HPSE2: variants seen among roughly 807,000 people sequenced by gnomAD.
HPSE2 encodes heparanase 2 (inactive), also known as inactive heparanase-2.
In HPSE2, 38 loss-of-function variants were observed where a neutral mutation model predicts 60.5. The ratio of observed to expected loss-of-function variants is 0.63; its 90% CI spans 0.48 to 0.82. The LOEUF (loss-of-function observed/expected upper bound fraction) is 0.82, where lower values mean the gene tolerates loss of function less well. Ranked by LOEUF, HPSE2 falls within the 40% of genes least tolerant of loss-of-function variation. The pLI is 0.00. For missense variants in HPSE2, 713 were observed against 740.4 expected, an observed-to-expected ratio of 0.96 and a Z score of 0.43; for synonymous variants, 295 against 293.2, an observed-to-expected ratio of 1.01 and a Z score of -0.06.
intron 3 of HPSE2, among the ~76,000 whole-genome samples, chr10:98,794,156 T>C (rs1002381702): frequency 3.9e-5 from 6 of 152,146 alleles, no homozygotes; most frequent in Admixed American, 3.9e-4. Context: ...TTATCTAATT[T>C]ATAAACCTTT....
intron 9 of HPSE2, among the ~76,000 whole-genome samples, chr10:98,581,862 A>G (rs950016467): frequency 1.3e-5 from 2 of 152,334 alleles, no homozygotes; most frequent in African/African-American, 2.4e-5. Context: ...ATATGTGTGT[A>G]AGCTTCAAAT....
intron 3 of HPSE2, among the ~76,000 whole-genome samples, chr10:98,878,952 G>A (rs889896633): frequency 1.3e-5 from 2 of 152,022 alleles, no homozygotes; most frequent in African/African-American, 2.4e-5. Context: ...GAAAGGGAAA[G>A]AGGGAAGTCA....
intron 9 of HPSE2, among the ~76,000 whole-genome samples, chr10:98,589,860 C>T (rs139599418): frequency 6.6e-6 from 1 of 152,180 alleles, no homozygotes; most frequent in Admixed American, 6.5e-5. Context: ...TCCCTTGAAT[C>T]CTCATCTTTG....
rs539414768 is a variant in HPSE2 at position 98,492,427 on chromosome 10, A to G, written c.1321-2231T>C. Among the ~76,000 whole-genome samples the G allele has an allele frequency of 2.1e-4, 31 of 150,062 alleles. No homozygotes were observed. In the South Asian group the frequency reaches 6.4e-3, roughly 31 times the overall value. ...TGAGGCAGGAGAATGGCGTGAACCCAGGAGGCGGAGCTTGCAGTGAGCCGA... is the reference window on the plus strand; with the variant it reads ...TGAGGCAGGAGAATGGCGTGAACCCGGGAGGCGGAGCTTGCAGTGAGCCGA... On this transcript the variant is annotated intron_variant, in intron 9 of 11. Transcript: ENST00000370552.
chr10:98,801,350 C>A (rs906621565), intron 3 of HPSE2, among the ~76,000 whole-genome samples: 1 of 151,840 alleles, frequency 6.6e-6, no homozygotes, highest in African/African-American at 2.4e-5. Flanking sequence ...TACTGGAAGT[C>A]CTAGCTAGAG....
intron 3 of HPSE2, among the ~76,000 whole-genome samples, chr10:98,988,304 T>C (rs1364337882): frequency 6.6e-6 from 1 of 152,302 alleles, no homozygotes; most frequent in Non-Finnish European, 1.5e-5. Context: ...GAGATATAGA[T>C]CAATGGAACA....
At chr10:99,048,006 C>T (rs756468884) in intron 3 of HPSE2, 56 of 694,004 alleles carry the variant, frequency 8.1e-5, no homozygotes, top group South Asian at 2.6e-4. Flanking sequence ...GAAACCTTTG[C>T]GAAGCTCAAC....
intron 2 of HPSE2, among the ~76,000 whole-genome samples, chr10:99,156,019 G>C (rs1218860515): frequency 4.0e-5 from 6 of 150,724 alleles, no homozygotes; most frequent in South Asian, 2.1e-4. Flanking sequence ...ATAAATTCCT[G>C]GACACATACA....
intron 3 of HPSE2, among the ~76,000 whole-genome samples, chr10:98,952,055 G>T (rs1480158370): frequency 2.0e-5 from 3 of 152,124 alleles, no homozygotes; most frequent in Non-Finnish European, 4.4e-5. Context: ...CCAAATGATG[G>T]CAGATTTGAA....
chr10:98,815,331 A>G (rs902579010), intron 3 of HPSE2, among the ~76,000 whole-genome samples: 1 of 152,208 alleles, frequency 6.6e-6, no homozygotes, highest in South Asian at 2.1e-4. Flanking sequence ...CAGGCAGTAT[A>G]TAACAGGTAG....
At chr10:98,910,047 T>C in intron 3 of HPSE2, among the ~76,000 whole-genome samples, 1 of 152,112 alleles carries the variant, frequency 6.6e-6, no homozygotes, top group East Asian at 1.9e-4. Context: ...AATGCTATTA[T>C]AAGAAGAAAA....
At chr10:98,491,411 A>G (rs557759943) in intron 9 of HPSE2, among the ~76,000 whole-genome samples, 1 of 152,292 alleles carries the variant, frequency 6.6e-6, no homozygotes, top group East Asian at 1.9e-4. Context: ...ATGGTCTCCT[A>G]ATATTAAAAA....
chr10:99,109,610 C>G (rs1215243835), intron 3 of HPSE2, among the ~76,000 whole-genome samples: 2 of 152,080 alleles, frequency 1.3e-5, no homozygotes, highest in African/African-American at 4.8e-5. Context: ...GAGAAGTGTT[C>G]TCAAGAATAA....
At chr10:98,906,671 TGAG>T (rs993726926) in intron 3 of HPSE2, among the ~76,000 whole-genome samples, 3 of 152,104 alleles carry the variant, frequency 2.0e-5, no homozygotes, top group African/African-American at 7.2e-5. Flanking sequence ...TTTGGGAGGC[TGAG>T]GAGGGCAGAT....
chr10:98,613,171 T>C (rs1004840188), intron 9 of HPSE2, among the ~76,000 whole-genome samples: 7 of 152,260 alleles, frequency 4.6e-5, no homozygotes, highest in African/African-American at 1.7e-4. Context: ...GATTCACTTA[T>C]CTATTACTAG....
chr10:98,532,716 G>T (rs547297160), intron 9 of HPSE2, among the ~76,000 whole-genome samples: 1 of 152,188 alleles, frequency 6.6e-6, no homozygotes, highest in Non-Finnish European at 1.5e-5. Context: ...AGTAGGAGAA[G>T]ATGGTTTCAA....
chr10:98,996,915 A>T (rs1035050627), intron 3 of HPSE2, among the ~76,000 whole-genome samples: 3 of 152,186 alleles, frequency 2.0e-5, no homozygotes, highest in African/African-American at 7.2e-5. Flanking sequence ...TCTGGGAATG[A>T]TGAAAACGTA....
chr10:98,985,062 ACT>A (rs1003187220), intron 3 of HPSE2, among the ~76,000 whole-genome samples: 14 of 152,208 alleles, frequency 9.2e-5, no homozygotes, highest in Non-Finnish European at 1.9e-4. Flanking sequence ...GTTGGAAAAC[ACT>A]CTGCAGGATA....
intron 2 of HPSE2, among the ~76,000 whole-genome samples, chr10:99,183,283 G>T (rs980420995): frequency 6.6e-6 from 1 of 152,158 alleles, no homozygotes. Flanking sequence ...GACCCACAGA[G>T]AGGTTCCCTG....
Sources: gnomAD v4.1 joint callset for allele counts (sites outside exome capture counted in the v4.1 genomes callset) on GRCh38, gnomAD v4.1.1 for gene constraint, MANE v1.5 for transcripts, NCBI Gene and HGNC (gene_info 2026-07-23, HGNC 2026-07-21) for gene names.